ATL2: variants seen among roughly 807,000 people sequenced by gnomAD.
The protein encoded by ATL2 is atlastin-2.
A neutral mutation model predicts 73.9 loss-of-function variants in ATL2; 31 were observed. The observed-to-expected ratio is 0.42, with a 90% CI of 0.32 to 0.57. The LOEUF is 0.57. ATL2 is among the 20% of genes least tolerant of loss of function. The pLI is 0.14. For missense variants in ATL2, 738 were observed against 702.6 expected, an observed-to-expected ratio of 1.05 and a Z score of -0.57; for synonymous variants, 291 against 237.5, an observed-to-expected ratio of 1.23 and a Z score of -2.07.
chr2:38,332,436 G>A (rs1483909308), intron 2 of ATL2, among the ~76,000 whole-genome samples: 1 of 151,998 alleles, frequency 6.6e-6, no homozygotes. Flanking sequence ...AAACTCCTGG[G>A]CTCAAGCAAT....
chr2:38,307,118 G>A (rs915618603), intron 9 of ATL2, among the ~76,000 whole-genome samples: 1 of 152,050 alleles, frequency 6.6e-6, no homozygotes, highest in Non-Finnish European at 1.5e-5. Flanking sequence ...AGCACTTTGG[G>A]AGGCAGATGC....
chr2:38,322,622 G>T (rs543192794), intron 2 of ATL2, among the ~76,000 whole-genome samples: 1 of 152,172 alleles, frequency 6.6e-6, no homozygotes, highest in East Asian at 1.9e-4. Context: ...ACTTTAAAAA[G>T]AATTGGTGTC....
At chr2:38,307,213 C>T (rs1210199594) in intron 9 of ATL2, among the ~76,000 whole-genome samples, 1 of 152,102 alleles carries the variant, frequency 6.6e-6, no homozygotes, top group Non-Finnish European at 1.5e-5. Context: ...CAAAAATCAG[C>T]TAGGCATGGT....
chr2:38,315,563 T>C (rs1181289700), intron 4 of ATL2, among the ~76,000 whole-genome samples: 1 of 152,128 alleles, frequency 6.6e-6, no homozygotes, highest in Non-Finnish European at 1.5e-5. Context: ...GCAAAAAGCA[T>C]GAATATATGT....
At chr2:38,311,891 A>C (rs1417581482) in intron 7 of ATL2, among the ~76,000 whole-genome samples, 1 of 152,188 alleles carries the variant, frequency 6.6e-6, no homozygotes, top group African/African-American at 2.4e-5. Flanking sequence ...GCTTTGTGTT[A>C]ATTTCTTCTG....
intron 2 of ATL2, among the ~76,000 whole-genome samples, chr2:38,333,533 T>C (rs1258304499): frequency 2.0e-5 from 3 of 152,130 alleles, no homozygotes; most frequent in South Asian, 4.1e-4. Context: ...TATTTTTCAA[T>C]AAATAGCCTA....
At chr2:38,360,292 CTTAT>C (rs1189782391) in intron 1 of ATL2, among the ~76,000 whole-genome samples, 4 of 138,498 alleles carry the variant, frequency 2.9e-5, no homozygotes, top group Non-Finnish European at 4.6e-5. Context: ...GGGTGTTTTG[CTTAT>C]TTGTTTTGAG....
At chr2:38,320,558 C>T (rs1457748763) in intron 2 of ATL2, among the ~76,000 whole-genome samples, 1 of 152,054 alleles carries the variant, frequency 6.6e-6, no homozygotes, top group African/African-American at 2.4e-5. Flanking sequence ...CAAAAGTTAA[C>T]ATATAAGGTA....
intron 2 of ATL2, among the ~76,000 whole-genome samples, chr2:38,342,231 T>G (rs1002860488): frequency 1.3e-5 from 2 of 151,970 alleles, no homozygotes; most frequent in African/African-American, 4.8e-5. Context: ...ATTCATCAAT[T>G]AAAATGTAAG....
At position 38,376,198 on chromosome 2, in the gene ATL2, T is replaced by C. The variant is rs758215061; in HGVS notation, c.118+945A>G. ...GTACCATCAAAATTTTCAATCAGGA[T>C]TTCATGCGATCAATTCGCACCACAG... On this transcript the variant is annotated intron_variant, in intron 1 of 12. Coordinates refer to ENST00000378954, the MANE Select transcript of ATL2 (RefSeq NM_001135673.4). The C allele has an allele frequency of 2.6e-6, 4 of 1,518,154 alleles. No homozygotes were observed. The South Asian group carries it at 3.7e-5, about 14-fold the overall frequency. 94.0% of individuals were successfully genotyped at this position (1,518,154 alleles called of 1,614,324 possible). A position where few individuals can be genotyped will look rare whatever the true frequency, so the allele number is the denominator to read the frequency against.
intron 2 of ATL2, among the ~76,000 whole-genome samples, chr2:38,326,111 T>G (rs956867125): frequency 2.0e-5 from 3 of 151,990 alleles, no homozygotes; most frequent in Admixed American, 2.0e-4. Context: ...AACCATAAGG[T>G]GGCATACGAT....
intron 1 of ATL2, among the ~76,000 whole-genome samples, chr2:38,373,189 A>G (rs1256703675): frequency 6.6e-6 from 1 of 152,102 alleles, no homozygotes; most frequent in East Asian, 1.9e-4. Context: ...TTCTTTTCCC[A>G]CTACATTATC....
intron 9 of ATL2, 176 bp from the exon 10 acceptor site, chr2:38,300,504 A>T (rs1667130343): frequency 2.0e-6 from 1 of 488,744 alleles, no homozygotes; most frequent in East Asian, 3.0e-5. Flanking sequence ...ATTAAATTAT[A>T]TGCTGCTAAA....
intron 2 of ATL2, among the ~76,000 whole-genome samples, chr2:38,339,928 TG>T (rs1455788357): frequency 6.6e-6 from 1 of 152,082 alleles, no homozygotes; most frequent in Non-Finnish European, 1.5e-5. Context: ...TGACCTCAGG[TG>T]ATCTACCCAC....
At chr2:38,357,034 TA>T (rs1670707493) in intron 1 of ATL2, among the ~76,000 whole-genome samples, 1 of 152,094 alleles carries the variant, frequency 6.6e-6, no homozygotes, top group African/African-American at 2.4e-5. Flanking sequence ...AAATCTAATT[TA>T]AAAGGTTTAG....
At chr2:38,341,990 T>C (rs1031157539) in intron 2 of ATL2, among the ~76,000 whole-genome samples, 6 of 152,208 alleles carry the variant, frequency 3.9e-5, no homozygotes, top group African/African-American at 1.2e-4. Flanking sequence ...GTTCCCTATA[T>C]AGCAATTCCA....
intron 9 of ATL2, among the ~76,000 whole-genome samples, chr2:38,304,693 C>G (rs1181038499): frequency 1.3e-5 from 2 of 152,060 alleles, no homozygotes; most frequent in African/African-American, 2.4e-5. Flanking sequence ...TTTCTCTTTC[C>G]TTGTTATTTA....
In ATL2 at chr2:38,314,707, G is replaced by A. The variant is rs374996299; in HGVS notation, c.655-43C>T. 8 of 1,316,048 alleles carry A rather than the reference G, an allele frequency of 6.1e-6. No homozygotes were observed. The African/African-American group carries it at 1.2e-4, about 19-fold the overall frequency. 81.5% of individuals were successfully genotyped at this position (1,316,048 alleles called of 1,614,324 possible). On this transcript the variant is annotated intron_variant, in intron 5 of 12. Transcript: ENST00000378954. ...TTAAAATAATGCCTCTAAAGAGATT[G>A]AAAGAAGACATGTGTAAACCTGTTC...
intron 1 of ATL2, among the ~76,000 whole-genome samples, chr2:38,362,108 A>G (rs1236211618): frequency 6.6e-6 from 1 of 152,062 alleles, no homozygotes; most frequent in African/African-American, 2.4e-5. Flanking sequence ...TAGCTAATCG[A>G]CTCTTATGAG....
Sources: gnomAD v4.1 joint callset for allele counts (sites outside exome capture counted in the v4.1 genomes callset) on GRCh38, gnomAD v4.1.1 for gene constraint, MANE v1.5 for transcripts, NCBI Gene and HGNC (gene_info 2026-07-23, HGNC 2026-07-21) for gene names.